Variants in SLC24A2 observed in about 807,000 individuals in gnomAD.
SLC24A2 encodes the protein sodium/potassium/calcium exchanger 2.
SLC24A2 carries 36 observed loss-of-function variants against 62.0 expected under a neutral mutation model. The observed-to-expected ratio is 0.58, with a 90% confidence interval of 0.44 to 0.77. The LOEUF is 0.77. SLC24A2 is among the 30% of genes least tolerant of loss of function. The probability of loss-of-function intolerance (pLI) is 0.00; values close to 1 mark genes in which losing one functional copy is unlikely to be tolerated. For missense variants in SLC24A2, 846 were observed against 817.9 expected (o/e 1.03, Z -0.42); for synonymous variants, 358 against 294.0 (o/e 1.22, Z -2.23).
rs1356653892 is a variant in SLC24A2, at chr9:19,510,519, G to T, written c.*5634C>A. Reference sequence around the variant, plus strand: ...TTGGAGGGAGGCTTTTCTTGATGCTGATGGTTGTTAATCATTGAGCTGGGT... The same window carrying T: ...TTGGAGGGAGGCTTTTCTTGATGCTTATGGTTGTTAATCATTGAGCTGGGT... On this transcript the variant is annotated 3_prime_UTR_variant, in exon 11 of 11. Transcript: ENST00000341998. 1.3e-5 allele frequency: 2 copies of T among 151,212 alleles called. No homozygotes were observed. Among genetic ancestry groups the T allele is most frequent in the Non-Finnish European group, 2.9e-5 (2 of 67,914 alleles). The allele number at this position is 151,212 out of a possible 1,614,324, so 9.4% of individuals were successfully genotyped here.
At chr9:19,718,679 T>C (rs886597334) in intron 2 of SLC24A2, among the ~76,000 whole-genome samples, 1 of 152,216 alleles carries the variant, frequency 6.6e-6, no homozygotes, top group South Asian at 2.1e-4. Flanking sequence ...GCAGCCAGGC[T>C]TATGGTCACT....
the SLC24A2 span, among the ~76,000 whole-genome samples, chr9:19,972,033 T>G: frequency 2.6e-5 from 4 of 152,148 alleles, no homozygotes; most frequent in Admixed American, 6.6e-5. Flanking sequence ...AACTCTATTC[T>G]AAAGAGCTTA....
the SLC24A2 span, among the ~76,000 whole-genome samples, chr9:19,798,871 T>C: frequency 6.6e-6 from 1 of 152,176 alleles, no homozygotes; most frequent in African/African-American, 2.4e-5. Context: ...TTTACTTTAT[T>C]TCTGGTTAAA....
the SLC24A2 span, chr9:19,926,471 G>A: frequency 6.6e-6 from 1 of 152,182 alleles, no homozygotes; most frequent in Non-Finnish European, 1.5e-5. Context: ...GCTTCGCCCA[G>A]TTCTTTGCAA....
At chr9:20,127,785 A>G in the SLC24A2 span, among the ~76,000 whole-genome samples, 1 of 152,188 alleles carries the variant, frequency 6.6e-6, no homozygotes, top group Non-Finnish European at 1.5e-5. Flanking sequence ...GGAAGCAGCA[A>G]CTAGACCAAT....
chr9:20,076,016 A>G, the SLC24A2 span, among the ~76,000 whole-genome samples: 4,654 of 152,300 alleles, frequency 0.031, 225 homozygotes, highest in African/African-American at 0.1. Context: ...TGCCATGTAA[A>G]TAGTTGTTAC....
At chr9:19,836,020 G>C in the SLC24A2 span, among the ~76,000 whole-genome samples, 1 of 152,172 alleles carries the variant, frequency 6.6e-6, no homozygotes, top group Non-Finnish European at 1.5e-5. Context: ...GAAGTTCTTT[G>C]AAACCAGCGA....
chr9:20,024,536 G>A, the SLC24A2 span, among the ~76,000 whole-genome samples: 5 of 152,156 alleles, frequency 3.3e-5, no homozygotes, highest in African/African-American at 4.8e-5. Flanking sequence ...ACTCAGCCCT[G>A]TAAATATTTA....
chr9:19,534,358 A>T (rs1833855191), intron 8 of SLC24A2, among the ~76,000 whole-genome samples: 1 of 152,010 alleles, frequency 6.6e-6, no homozygotes, highest in African/African-American at 2.4e-5. Context: ...TTGTCTTTGT[A>T]TCTCTTTTTT....
At chr9:19,679,309 G>T (rs1819648405) in intron 2 of SLC24A2, among the ~76,000 whole-genome samples, 1 of 152,144 alleles carries the variant, frequency 6.6e-6, no homozygotes, top group Non-Finnish European at 1.5e-5. Flanking sequence ...CTGCACCTTA[G>T]TTTCCTACCT....
At chr9:20,265,481 A>G in the SLC24A2 span, among the ~76,000 whole-genome samples, 1 of 152,202 alleles carries the variant, frequency 6.6e-6, no homozygotes, top group African/African-American at 2.4e-5. Context: ...TAAATTGTGA[A>G]GATTTCATGG....
intron 4 of SLC24A2, among the ~76,000 whole-genome samples, chr9:19,597,744 T>C (rs1051949610): frequency 2.6e-5 from 4 of 152,198 alleles, no homozygotes; most frequent in African/African-American, 9.7e-5. Context: ...AACCATTTCC[T>C]AGAGAAAAAG....
intron 2 of SLC24A2, among the ~76,000 whole-genome samples, chr9:19,782,786 A>G (rs1231384721): frequency 6.6e-6 from 1 of 152,204 alleles, no homozygotes; most frequent in African/African-American, 2.4e-5. Flanking sequence ...TAATAATTTT[A>G]CCAATCTTAT....
chr9:19,514,934 A>ACT lies in SLC24A2; in HGVS notation c.*1217_*1218dup, dbSNP rs1832867329. On this transcript the variant is annotated 3_prime_UTR_variant, in exon 11 of 11. Transcript: ENST00000341998. ...ATTGGGAATAATGATTTCTTCAGAC[A>ACT]CTAAAGCCCTTTATGACTACACTGG... The ACT allele has an allele frequency of 6.6e-6, 1 of 152,186 alleles. No individual in the cohort carries two copies. Among genetic ancestry groups the ACT allele is most frequent in the African/African-American group, 2.4e-5 (1 of 41,438 alleles). 9.4% of individuals were successfully genotyped at this position (152,186 alleles called of 1,614,324 possible). A position where few individuals can be genotyped will look rare whatever the true frequency, so the allele number is the denominator to read the frequency against.
the SLC24A2 span, among the ~76,000 whole-genome samples, chr9:20,303,815 CCTCA>C: frequency 6.6e-6 from 1 of 152,192 alleles, no homozygotes; most frequent in Non-Finnish European, 1.5e-5. Flanking sequence ...AGCGGCAAAA[CCTCA>C]CTGTGTTCCT....
intron 2 of SLC24A2, among the ~76,000 whole-genome samples, chr9:19,662,492 G>A (rs1337855357): frequency 6.6e-6 from 1 of 152,160 alleles, no homozygotes; most frequent in Admixed American, 6.5e-5. Flanking sequence ...TCTCTGTTCT[G>A]TCAGTTTGAA....
the SLC24A2 span, among the ~76,000 whole-genome samples, chr9:19,820,062 T>TAC: frequency 7.0e-5 from 9 of 129,218 alleles, no homozygotes; most frequent in African/African-American, 2.8e-4. Flanking sequence ...TATACACATA[T>TAC]ATATATATAT....
intron 2 of SLC24A2, among the ~76,000 whole-genome samples, chr9:19,726,959 G>A (rs1305118264): frequency 1.3e-5 from 2 of 152,156 alleles, no homozygotes; most frequent in Non-Finnish European, 2.9e-5. Flanking sequence ...GGTAGTACAT[G>A]TTAGATCATC....
chr9:19,990,921 G>GGA, the SLC24A2 span, among the ~76,000 whole-genome samples: 6 of 18,382 alleles, frequency 3.3e-4, no homozygotes, highest in African/African-American at 1.1e-3. Context: ...AGGACTAATA[G>GGA]GATATATATA....
Sources: gnomAD v4.1 joint callset for allele counts (sites outside exome capture counted in the v4.1 genomes callset) on GRCh38, gnomAD v4.1.1 for gene constraint, MANE v1.5 for transcripts, NCBI Gene and HGNC (gene_info 2026-07-23, HGNC 2026-07-21) for gene names.